TMEM140: variants seen among roughly 807,000 people sequenced by gnomAD.
TMEM140 encodes the protein transmembrane protein 140.
For synonymous variants in TMEM140, 107 were observed against 106.8 expected, an observed-to-expected ratio of 1.00 and a Z score of -0.01; for missense variants, 236 against 228.5, an observed-to-expected ratio of 1.03 and a Z score of -0.21.
chr7:135,159,247 T>C (rs555374137), intron 1 of TMEM140, among the ~76,000 whole-genome samples: 8 of 152,372 alleles, frequency 5.3e-5, no homozygotes, highest in African/African-American at 7.2e-5. Flanking sequence ...TTTCTCACCA[T>C]GGTGGAGGCA....
intron 1 of TMEM140, among the ~76,000 whole-genome samples, chr7:135,155,519 T>G (rs1173088041): frequency 1.3e-5 from 2 of 152,234 alleles, no homozygotes; most frequent in African/African-American, 2.4e-5. Flanking sequence ...CTTCTGTATG[T>G]TTTTGTGATG....
chr7:135,165,836 T>A lies in TMEM140; in HGVS notation c.*837T>A, dbSNP rs111327468. ...GCACTTGTGTATTGGAAAACCTGTATGGCAGTGATTTATTCATATATTCCT... is the reference window on the plus strand; with the variant it reads ...GCACTTGTGTATTGGAAAACCTGTAAGGCAGTGATTTATTCATATATTCCT... On this transcript the variant is annotated 3_prime_UTR_variant, in exon 2 of 2. Coordinates refer to ENST00000275767, the MANE Select transcript of TMEM140 (RefSeq NM_018295.5). 6.0e-6 allele frequency: 1 copy of A among 167,142 alleles called. No individual in the cohort carries two copies. The highest frequency in any genetic ancestry group is 2.1e-4 in the South Asian group (1 of 4,836). The allele number at this position is 167,142 out of a possible 1,614,324, so 10.4% of individuals were successfully genotyped here. A position where few individuals can be genotyped will look rare whatever the true frequency, so the allele number is the denominator to read the frequency against.
chr7:135,164,368 C>T, intron 1 of TMEM140, 50 bp from the exon 2 acceptor site: 1 of 1,425,126 alleles, frequency 7.0e-7, no homozygotes, highest in Non-Finnish European at 9.7e-7. Flanking sequence ...TGTCTGGACA[C>T]AGGGAACAAG....
chr7:135,154,663 T>C (rs1221077471), intron 1 of TMEM140, among the ~76,000 whole-genome samples: 1 of 152,212 alleles, frequency 6.6e-6, no homozygotes, highest in African/African-American at 2.4e-5. Flanking sequence ...GTTTCCAAAG[T>C]TCCTCTTGGT....
chr7:135,159,135 C>T (rs925020158), intron 1 of TMEM140, among the ~76,000 whole-genome samples: 9 of 152,218 alleles, frequency 5.9e-5, no homozygotes, highest in African/African-American at 2.2e-4. Context: ...CAAGCTGCCT[C>T]GAATCCTCTC....
chr7:135,154,139 CT>C (rs1829730391), intron 1 of TMEM140, among the ~76,000 whole-genome samples: 1 of 152,010 alleles, frequency 6.6e-6, no homozygotes, highest in South Asian at 2.1e-4. Flanking sequence ...CATAATAGTC[CT>C]TGATGATCTT....
At chr7:135,157,327 C>T (rs766470533) in intron 1 of TMEM140, among the ~76,000 whole-genome samples, 3 of 152,282 alleles carry the variant, frequency 2.0e-5, no homozygotes, top group Admixed American at 6.5e-5. Context: ...ATGACTTCTT[C>T]GGCATAGGGT....
intron 1 of TMEM140, among the ~76,000 whole-genome samples, chr7:135,154,817 T>A (rs1291224816): frequency 6.6e-6 from 1 of 152,242 alleles, no homozygotes; most frequent in Non-Finnish European, 1.5e-5. Flanking sequence ...AAATAATGTA[T>A]ATTCTGTAGT....
chr7:135,165,009 T>C lies in TMEM140; in HGVS notation c.*10T>C. 1.9e-6 allele frequency: 3 copies of C among 1,564,350 alleles called. No individual in the cohort carries two copies. The highest frequency in any genetic ancestry group is 2.6e-6 in the Non-Finnish European group (3 of 1,152,830). On this transcript the variant is annotated 3_prime_UTR_variant, in exon 2 of 2. Transcript: ENST00000275767. Reference sequence around the variant, plus strand: ...GCTTGAGAGCTGCTAAAGGCTTACGTGATTGCAAGGGTTCAGTTCCAACCA... The same window carrying C: ...GCTTGAGAGCTGCTAAAGGCTTACGCGATTGCAAGGGTTCAGTTCCAACCA...
At position 135,148,255 on chromosome 7, in the gene TMEM140, T is replaced by C. The variant is rs558757259; in HGVS notation, c.-40T>C. ...CCTTTTCATGAGTGTTCCTGTGGTC[T>C]CTGCACCTCCTTTCTGTAAGTACCG... On this transcript the variant is annotated 5_prime_UTR_variant, in exon 1 of 2. Coordinates refer to ENST00000275767, the MANE Select transcript of TMEM140 (RefSeq NM_018295.5). 36 of 378,342 alleles carry C rather than the reference T, an allele frequency of 9.5e-5. No homozygotes were observed. The highest frequency in any genetic ancestry group is 6.8e-4 in the South Asian group (35 of 51,112). 23.4% of individuals were successfully genotyped at this position (378,342 alleles called of 1,614,324 possible).
Position 135,148,161 on chromosome 7 carries a change from T to C in TMEM140, c.-134T>C, listed in dbSNP as rs1829586055. 2.3e-6 allele frequency: 1 copy of C among 439,106 alleles called. No individual in the cohort carries two copies. The highest frequency in any genetic ancestry group is 4.5e-6 in the Non-Finnish European group (1 of 222,388). The allele number at this position is 439,106 out of a possible 1,614,324, so 27.2% of individuals were successfully genotyped here. On this transcript the variant is annotated 5_prime_UTR_variant, in exon 1 of 2. Coordinates refer to ENST00000275767, the MANE Select transcript of TMEM140 (RefSeq NM_018295.5). ...TGCCATTTCCCTTCCACTCCTCCTT[T>C]CTGGAGTCTGACATTAGAAAGCCAG...
chr7:135,151,245 C>CT lies in TMEM140; in HGVS notation c.-25+2976dup. 6.6e-6 allele frequency among the ~76,000 whole-genome samples: 1 copy of CT among 152,230 alleles called. No individual in the cohort carries two copies. The highest frequency in any genetic ancestry group is 1.5e-5 in the Non-Finnish European group (1 of 68,046). ...GGTGAAATCCAGGAGCTGCCACCAC[C>CT]TACACACTGTTGAAAAACACTGCAG... On this transcript the variant is annotated intron_variant, in intron 1 of 1. Coordinates refer to ENST00000275767, the MANE Select transcript of TMEM140 (RefSeq NM_018295.5). This position sits in a 1 kb window ranked among gnomAD's most constrained non-coding sequence, Gnocchi z 4.3.
chr7:135,157,598 G>A (rs1421570009), intron 1 of TMEM140, among the ~76,000 whole-genome samples: 8 of 152,202 alleles, frequency 5.3e-5, no homozygotes, highest in Admixed American at 5.2e-4. Context: ...CCCAGTGTGT[G>A]GGCATGATCT....
intron 1 of TMEM140, among the ~76,000 whole-genome samples, chr7:135,153,291 T>C (rs1214952628): frequency 6.6e-6 from 1 of 151,672 alleles, no homozygotes; most frequent in Non-Finnish European, 1.5e-5. Context: ...CTGTCTCTAC[T>C]AAAAATACAA....
intron 1 of TMEM140, among the ~76,000 whole-genome samples, chr7:135,154,025 G>A (rs915521889): frequency 1.3e-5 from 2 of 152,104 alleles, no homozygotes; most frequent in African/African-American, 2.4e-5. Flanking sequence ...TTATTGGTCT[G>A]TTTAGAAGTT....
chr7:135,153,543 T>C (rs1355897781), intron 1 of TMEM140, among the ~76,000 whole-genome samples: 3 of 151,924 alleles, frequency 2.0e-5, no homozygotes, highest in Admixed American at 6.6e-5. Context: ...TTATACATTG[T>C]TGGTGGGAAT....
intron 1 of TMEM140, among the ~76,000 whole-genome samples, chr7:135,154,059 G>C (rs1829727679): frequency 6.6e-6 from 1 of 152,020 alleles, no homozygotes; most frequent in Admixed American, 6.5e-5. Flanking sequence ...GTTCAATCTT[G>C]GGGGATTTTG....
intron 1 of TMEM140, among the ~76,000 whole-genome samples, chr7:135,157,662 C>T (rs934122202): frequency 2.6e-5 from 4 of 152,204 alleles, no homozygotes; most frequent in African/African-American, 9.7e-5. Flanking sequence ...ACTGTTGAAG[C>T]AGCCAACTGG....
rs146791672 is a variant in TMEM140, at chr7:135,164,501, C to G, written c.60C>G (p.Leu20=). 6.8e-6 allele frequency: 11 copies of G among 1,613,004 alleles called. No individual in the cohort carries two copies. The South Asian group carries it at 9.9e-5, about 14-fold the overall frequency. The change falls in exon 2 of 2, where the codon CTC becomes CTG. Residue 20 remains leucine, a synonymous_variant. Transcript: ENST00000275767. ...TGCTGTTCATGAGCATCATAGTCCT[C>G]GTGATTGTGGTCATCTGCCTGATGT... ...DQLLFMSIIV[L]VIVVICLMFY... is the part of the protein sequence containing the mutation.
Sources: gnomAD v4.1 joint callset for allele counts (sites outside exome capture counted in the v4.1 genomes callset) on GRCh38, gnomAD v4.1.1 for gene constraint, Gnocchi (gnomAD v3.1) non-coding constraint, MANE v1.5 for transcripts, NCBI Gene and HGNC (gene_info 2026-07-23, HGNC 2026-07-21) for gene names.